ATP8B3: variants seen among roughly 807,000 people sequenced by gnomAD.
ATP8B3 encodes the protein ATPase phospholipid transporting 8B3.
ATP8B3 carries 141 observed loss-of-function variants against 140.9 expected under a neutral mutation model. The ratio of observed to expected loss-of-function variants is 1.00; its 90% confidence interval spans 0.87 to 1.15. ATP8B3 has a LOEUF of 1.15. ATP8B3 is among the 50% of genes most tolerant of loss of function. The pLI is 0.00. For missense variants in ATP8B3, 1,874 were observed against 1,740.6 expected, an observed-to-expected ratio of 1.08 and a Z score of -1.36; for synonymous variants, 765 against 714.6, an observed-to-expected ratio of 1.07 and a Z score of -1.13.
Position 1,800,963 on chromosome 19 carries a change from G to A in ATP8B3, c.1153-514C>T, listed in dbSNP as rs183017929. Among the ~76,000 whole-genome samples the A allele has an allele frequency of 6.6e-6, 1 of 150,686 alleles. No homozygotes were observed. The highest frequency in any genetic ancestry group is 1.5e-5 in the Non-Finnish European group (1 of 67,688). ...CCTGCCTCAGCCTCCCGAGTAGCTGGGACTACAGGCGCCCGCCACCACGCC... is the reference window on the plus strand; with the variant it reads ...CCTGCCTCAGCCTCCCGAGTAGCTGAGACTACAGGCGCCCGCCACCACGCC... On this transcript the variant is annotated intron_variant, in intron 12 of 28. Transcript: ENST00000310127. The surrounding 1 kb of genome is among the most constrained non-coding windows in gnomAD (Gnocchi z 4.4).
In ATP8B3 at chr19:1,806,448, C is replaced by T; in HGVS notation, c.677+180G>A. 6.9e-7 allele frequency: 1 copy of T among 1,452,868 alleles called. No individual in the cohort carries two copies. Among genetic ancestry groups the T allele is most frequent in the Non-Finnish European group, 9.0e-7 (1 of 1,108,740 alleles). 90.0% of individuals were successfully genotyped at this position (1,452,868 alleles called of 1,614,324 possible). A position where few individuals can be genotyped will look rare whatever the true frequency, so the allele number is the denominator to read the frequency against. On this transcript the variant is annotated intron_variant, in intron 7 of 28. Transcript: ENST00000310127. This position sits in a 1 kb window ranked among gnomAD's most constrained non-coding sequence, Gnocchi z 5.6. Reference sequence around the variant, plus strand: ...CTCTGCAAGGGTTCGCCATCAGGGCCTCGGCCTCTGTCCTCGTCCCGGCCA... The same window carrying T: ...CTCTGCAAGGGTTCGCCATCAGGGCTTCGGCCTCTGTCCTCGTCCCGGCCA...
chr19:1,807,226 C>G lies in ATP8B3; in HGVS notation c.557G>C (p.Ser186Thr). The G allele has an allele frequency of 1.9e-6, 3 of 1,612,992 alleles. No individual in the cohort carries two copies. Among genetic ancestry groups the G allele is most frequent in the Non-Finnish European group, 2.5e-6 (3 of 1,179,722 alleles). Residue 186 changes from serine (S) to threonine (T), a missense_variant, in exon 6 of 29, where the codon AGT becomes ACT. By Grantham distance (58) the Ser-to-Thr change is moderately conservative (BLOSUM62 1). Coordinates refer to ENST00000310127, the MANE Select transcript of ATP8B3 (RefSeq NM_138813.4). This position sits in a 1 kb window ranked among gnomAD's most constrained non-coding sequence, Gnocchi z 5.9. ...DISTLPWFSL[S>T]TPMVCLLFIR... Reference sequence around the variant, plus strand: ...GAAGAGGAGGCAGACCATAGGGGTACTGAGCGAGAACCAGGGCAGCGTGGA... The same window carrying G: ...GAAGAGGAGGCAGACCATAGGGGTAGTGAGCGAGAACCAGGGCAGCGTGGA...
At chr19:1,801,889 G>T in intron 12 of ATP8B3, 67 bp downstream of exon 12, 1 of 1,262,516 alleles carries the variant, frequency 7.9e-7, no homozygotes, top group Non-Finnish European at 1.1e-6. Flanking sequence ...CTGAGGCCTG[G>T]AAGATGACAT....
rs1026253644 is a variant in ATP8B3, at chr19:1,797,780, G to A, written c.1553-775C>T. ...CTCCCAAAGTGCTGGGATTACAGGC[G>A]TAGCCACCGCACCCAGCCACTTTTT... On this transcript the variant is annotated intron_variant, in intron 14 of 28. Transcript: ENST00000310127. Among the ~76,000 whole-genome samples the A allele has an allele frequency of 4.6e-5, 7 of 151,554 alleles. 1 individual carries two copies. The highest frequency in any genetic ancestry group is 1.3e-4 in the Admixed American group (2 of 15,190).
chr19:1,808,152 C>T, intron 5 of ATP8B3, 70 bp downstream of exon 5: 1 of 1,296,644 alleles, frequency 7.7e-7, no homozygotes, highest in African/African-American at 1.5e-5. Flanking sequence ...ACCCACCCAT[C>T]ACACAGACAA....
At position 1,796,135 on chromosome 19, in the gene ATP8B3, G is replaced by A; in HGVS notation, c.1884C>T (p.Val628=). ...AGTCCATTATGGCCAGGACCTGGTA[G>A]ACCCGTTCCTCCCCCAGCTCCATGA... ...VTIMELGEER[V]YQVLAIMDFN... is the part of the protein sequence containing the mutation. The change falls in exon 17 of 29, where the codon GTC becomes GTT. Residue 628 remains valine, a synonymous_variant. Transcript: ENST00000310127. 1 of 1,613,040 alleles carries A rather than the reference G, an allele frequency of 6.2e-7. No homozygotes were observed. The highest frequency in any genetic ancestry group is 8.5e-7 in the Non-Finnish European group (1 of 1,179,872).
At chr19:1,792,470 C>T (rs1400139263) in intron 18 of ATP8B3, among the ~76,000 whole-genome samples, 1 of 150,630 alleles carries the variant, frequency 6.6e-6, no homozygotes, top group Non-Finnish European at 1.5e-5. Flanking sequence ...GTCCCAGCTA[C>T]TTGAGAGGCT....
intron 18 of ATP8B3, 27 bp downstream of exon 18, chr19:1,795,829 ACACACACACACACACACAT>A (rs762102773): frequency 1.5e-6 from 2 of 1,354,330 alleles, no homozygotes; most frequent in East Asian, 2.3e-5. Context: ...ACACACACAC[ACACACACACACACACACAT>A]AAGCCAGCCT....
In ATP8B3 at chr19:1,807,917, G is replaced by A. The variant is rs914687010; in HGVS notation, c.516+305C>T. The stretch of plus-strand genomic sequence containing the variant: ...GGAGGGCGGGGGCCAGGGGAGCTGC[G>A]TGGCCGAGGCCGTTTAGGCTGGGGA... On this transcript the variant is annotated intron_variant, in intron 5 of 28. Transcript: ENST00000310127. The surrounding 1 kb of genome is among the most constrained non-coding windows in gnomAD (Gnocchi z 5.9). Among the ~76,000 whole-genome samples, 1 of 152,250 alleles carries A rather than the reference G, an allele frequency of 6.6e-6. No homozygotes were observed. The highest frequency in any genetic ancestry group is 1.9e-4 in the East Asian group (1 of 5,194).
At chr19:1,804,406 G>C (rs530065508) in intron 10 of ATP8B3, among the ~76,000 whole-genome samples, 2 of 152,134 alleles carry the variant, frequency 1.3e-5, no homozygotes, top group African/African-American at 4.8e-5. Context: ...TCAGGAGATC[G>C]AGACCATCCT....
At position 1,796,746 on chromosome 19, in the gene ATP8B3, GT is replaced by G; in HGVS notation, c.1717del (p.Thr573ArgfsTer2). 1 of 1,612,002 alleles carries G rather than the reference GT, an allele frequency of 6.2e-7. No individual in the cohort carries two copies. ...EFWRLLAICH[T>X]VMVRESPRER... is the part of the protein sequence containing the mutation. ...ACGGGGGCTCTCCCGCACCATCACC[GT>G]GTGGCAGATGGCCAGCAGGCGCCAG... On this transcript the variant is annotated frameshift_variant, in exon 16 of 29. Transcript: ENST00000310127. LOFTEE classifies it high-confidence loss of function.
rs371537574 is a variant in ATP8B3 at position 1,787,181 on chromosome 19, C to A, written c.3075G>T (p.Leu1025=). ...ACYNGFTGQP[L]YEGWFLALFN... ...AAAGAGCCAGGAACCATCCTTCATA[C>A]AGGGGCTGAGCCGGGGGAGAAGGGC... The change falls in exon 25 of 29, where the codon CTG becomes CTT. Residue 1025 remains leucine (L), a synonymous_variant. Coordinates refer to ENST00000310127, the MANE Select transcript of ATP8B3 (RefSeq NM_138813.4). 3.1e-6 allele frequency: 5 copies of A among 1,609,046 alleles called. No homozygotes were observed. The African/African-American group carries it at 6.7e-5, about 21-fold the overall frequency.
chr19:1,805,214 A>G lies in ATP8B3; in HGVS notation c.904+160T>C, dbSNP rs1447522673. ...GGTCTTGAATTCCTGGGCTGAAGTGATTCTCCTGCCTCAGCCTCCCAAAGT... is the reference window on the plus strand; with the variant it reads ...GGTCTTGAATTCCTGGGCTGAAGTGGTTCTCCTGCCTCAGCCTCCCAAAGT... On this transcript the variant is annotated intron_variant, in intron 10 of 28. Transcript: ENST00000310127. This position sits in a 1 kb window ranked among gnomAD's most constrained non-coding sequence, Gnocchi z 5.2. The G allele has an allele frequency of 4.2e-6, 3 of 714,962 alleles. No individual in the cohort carries two copies. The African/African-American group carries it at 5.2e-5, about 12-fold the overall frequency. 44.3% of individuals were successfully genotyped at this position (714,962 alleles called of 1,614,324 possible).
intron 26 of ATP8B3, 39 bp downstream of exon 26, chr19:1,785,430 C>T (rs1753548763): frequency 6.2e-7 from 1 of 1,602,926 alleles, no homozygotes; most frequent in African/African-American, 1.3e-5. Context: ...CCTCCATAGG[C>T]CATGTCCAAG....
intron 4 of ATP8B3, among the ~76,000 whole-genome samples, chr19:1,809,384 G>A (rs2069120929): frequency 6.6e-6 from 1 of 151,378 alleles, no homozygotes; most frequent in African/African-American, 2.4e-5. Flanking sequence ...GGGAGGCTGA[G>A]GCAGGAGAAT....
In ATP8B3 at chr19:1,785,227, G is replaced by A; in HGVS notation, c.3464C>T (p.Ala1155Val). 6.2e-7 allele frequency: 1 copy of A among 1,608,326 alleles called. No homozygotes were observed. Among genetic ancestry groups the A allele is most frequent in the South Asian group, 1.1e-5 (1 of 90,002 alleles). The change falls in exon 27 of 29, where the codon GCC (alanine) becomes GTC (valine). Residue 1155 changes from alanine to valine, a missense_variant. By Grantham distance (64) the Ala-to-Val change is moderately conservative. Around this residue, in one of 3 missense-constraint regions of ATP8B3, gnomAD observed 840 missense variants for 760.9 expected, o/e 1.10. Transcript: ENST00000310127. ...GCTCTGGGTGGTGGTAGTCATGATG[G>A]CGTAGAAACCAAGGCTGAGGAGGAT... ...ATILLSLGFY[A>V]IMTTTTQSFW...
intron 25 of ATP8B3, among the ~76,000 whole-genome samples, chr19:1,786,695 T>C (rs1240347676): frequency 2.0e-5 from 3 of 152,158 alleles, no homozygotes; most frequent in Admixed American, 6.5e-5. Context: ...TTGGATTGCA[T>C]AGCTGTGGGA....
chr19:1,799,786 T>A, intron 14 of ATP8B3, 161 bp downstream of exon 14: 1 of 728,458 alleles, frequency 1.4e-6, no homozygotes, highest in African/African-American at 1.8e-5. Context: ...AAAATTTTCC[T>A]GGCCCCCTCC....
In ATP8B3 at chr19:1,807,124, G is replaced by C; in HGVS notation, c.615+44C>G. 1 of 1,528,092 alleles carries C rather than the reference G, an allele frequency of 6.5e-7. No homozygotes were observed. The allele number at this position is 1,528,092 out of a possible 1,614,324, so 94.7% of individuals were successfully genotyped here. ...CAGGGATCAAGAGACCCCCCCGACC[G>C]GCCCCGCTCCCTCCCCCAGGCAGCT... On this transcript the variant is annotated intron_variant, in intron 6 of 28. Transcript: ENST00000310127. This position sits in a 1 kb window ranked among gnomAD's most constrained non-coding sequence, Gnocchi z 5.9.
Sources: allele counts gnomAD v4.1 joint callset (sites outside exome capture counted in the v4.1 genomes callset), GRCh38; gene constraint gnomAD v4.1.1; regional missense constraint gnomAD v4.1.1; non-coding constraint Gnocchi (gnomAD v3.1); transcripts MANE v1.5; gene names NCBI Gene and HGNC (gene_info 2026-07-23, HGNC 2026-07-21).